Variants in ADAMTS18 observed in about 807,000 individuals in gnomAD.
ADAMTS18 encodes the protein ADAM metallopeptidase with thrombospondin type 1 motif 18, also known as A disintegrin and metalloproteinase with thrombospondin motifs 18.
Under a neutral mutation model 165.9 loss-of-function variants are expected in ADAMTS18, and 157 were observed. That is an observed-to-expected ratio of 0.95 (90% CI 0.83 to 1.08). The LOEUF is 1.08. ADAMTS18 is among the 50% of genes least tolerant of loss of function. The probability of loss-of-function intolerance (pLI) is 0.00; values close to 1 mark genes in which losing one functional copy is unlikely to be tolerated. For synonymous variants in ADAMTS18, 782 were observed against 578.2 expected, an observed-to-expected ratio of 1.35 and a Z score of -5.06; for missense variants, 2,040 against 1,534.0, an observed-to-expected ratio of 1.33 and a Z score of -5.51.
At chr16:77,320,987 G>A (rs1473862404) in intron 15 of ADAMTS18, 92 bp downstream of exon 15, 1 of 1,520,034 alleles carries the variant, frequency 6.6e-7, no homozygotes, top group East Asian at 2.3e-5. Context: ...CAGTGAACTA[G>A]TAAAAGGCTC....
At position 77,297,230 on chromosome 16, in the gene ADAMTS18, A is replaced by G. The variant is rs1014943162; in HGVS notation, c.2801+59T>C. 3.1e-6 allele frequency: 5 copies of G among 1,602,580 alleles called. No homozygotes were observed. The African/African-American group carries it at 6.7e-5, about 21-fold the overall frequency. On this transcript the variant is annotated intron_variant, in intron 18 of 22. Transcript: ENST00000282849. ...CACAGTGAGCTTTCATCATCTCATAACAACAATGAAGGCATACAAGTACAA... is the reference window on the plus strand; with the variant it reads ...CACAGTGAGCTTTCATCATCTCATAGCAACAATGAAGGCATACAAGTACAA...
Position 77,293,252 on chromosome 16 carries a change from T to C in ADAMTS18, c.3013A>G (p.Lys1005Glu), listed in dbSNP as rs1443209278. 6.2e-7 allele frequency: 1 copy of C among 1,613,796 alleles called. No individual in the cohort carries two copies. The highest frequency in any genetic ancestry group is 1.1e-5 in the South Asian group (1 of 91,052). Residue 1005 changes from lysine (K) to glutamate (E), a missense_variant, in exon 20 of 23, where the codon AAG (lysine) becomes GAG (glutamate). Coordinates refer to ENST00000282849, the MANE Select transcript of ADAMTS18 (RefSeq NM_199355.4). ...WSLGPWSQCS[K>E]TCGRGVRKRE... ...TTCCTCACCCCTCGTCCACAGGTCTTGGAACACTTGAGAAGACAAAAAAGT... is the reference window on the plus strand; with the variant it reads ...TTCCTCACCCCTCGTCCACAGGTCTCGGAACACTTGAGAAGACAAAAAAGT...
intron 3 of ADAMTS18, among the ~76,000 whole-genome samples, chr16:77,411,871 T>C (rs961023721): frequency 6.6e-6 from 1 of 151,790 alleles, no homozygotes; most frequent in Non-Finnish European, 1.5e-5. Flanking sequence ...GTATTTTTAA[T>C]AGAGACGGGG....
At chr16:77,339,018 C>T (rs1285640764) in intron 11 of ADAMTS18, among the ~76,000 whole-genome samples, 1 of 149,962 alleles carries the variant, frequency 6.7e-6, no homozygotes, top group East Asian at 2.0e-4. Flanking sequence ...ATTCACAGTA[C>T]AAATATCGCT....
At chr16:77,385,870 A>G (rs926922097) in intron 3 of ADAMTS18, among the ~76,000 whole-genome samples, 4 of 152,196 alleles carry the variant, frequency 2.6e-5, no homozygotes, top group Non-Finnish European at 5.9e-5. Context: ...GAGGTAAAAC[A>G]AAGAAAAATA....
At chr16:77,429,029 T>G (rs112494981) in intron 3 of ADAMTS18, among the ~76,000 whole-genome samples, 5 of 152,300 alleles carry the variant, frequency 3.3e-5, no homozygotes, top group African/African-American at 1.2e-4. Context: ...GAAAGCAGTA[T>G]GGCAATTTTT....
chr16:77,334,027 G>GTGTAATATATGCTATATATAATA (rs1468626946), intron 12 of ADAMTS18, among the ~76,000 whole-genome samples: 1 of 138,586 alleles, frequency 7.2e-6, no homozygotes, highest in Non-Finnish European at 1.5e-5. Flanking sequence ...ATAATATACA[G>GTGTAATATATGCTATATATAATA]TGCAATATAT....
chr16:77,338,804 A>T (rs1474037909), intron 11 of ADAMTS18, among the ~76,000 whole-genome samples: 1 of 151,606 alleles, frequency 6.6e-6, no homozygotes, highest in African/African-American at 2.4e-5. Context: ...AATAGAAAAA[A>T]TTAGCCGGGC....
intron 4 of ADAMTS18, among the ~76,000 whole-genome samples, chr16:77,366,016 C>A (rs13335544): frequency 6.6e-6 from 1 of 152,166 alleles, no homozygotes; most frequent in Non-Finnish European, 1.5e-5. Flanking sequence ...AATCATTACT[C>A]TATATATGCT....
chr16:77,385,980 C>G (rs887677491), intron 3 of ADAMTS18, among the ~76,000 whole-genome samples: 3 of 152,192 alleles, frequency 2.0e-5, no homozygotes, highest in African/African-American at 7.2e-5. Context: ...TGTCCAAAGT[C>G]TCAAAAGTGA....
intron 3 of ADAMTS18, among the ~76,000 whole-genome samples, chr16:77,429,569 T>A (rs968768286): frequency 2.6e-5 from 4 of 152,180 alleles, no homozygotes; most frequent in African/African-American, 9.7e-5. Context: ...CCTTCACTTG[T>A]ACCCCTGAAC....
At position 77,367,623 on chromosome 16, in the gene ADAMTS18, G is replaced by C; in HGVS notation, c.596C>G (p.Pro199Arg). ...TGCTGTCCTTTTGTACAGTACGTGA[G>C]GATGGTGACCCGCAGGGGAGCTGTA... Reference protein sequence around the residue: ...HNYSSPAGHHPHVLYKRTAEE... With the variant: ...HNYSSPAGHHRHVLYKRTAEE... The change falls in exon 4 of 23, where the codon CCT becomes CGT. Residue 199 changes from proline to arginine, a missense_variant. Transcript: ENST00000282849. The C allele has an allele frequency of 6.2e-7, 1 of 1,614,190 alleles. No homozygotes were observed. Among genetic ancestry groups the C allele is most frequent in the East Asian group, 2.2e-5 (1 of 44,864 alleles).
intron 3 of ADAMTS18, among the ~76,000 whole-genome samples, chr16:77,393,340 C>A (rs2057214788): frequency 6.6e-6 from 1 of 152,170 alleles, no homozygotes; most frequent in Non-Finnish European, 1.5e-5. Context: ...AATAGGGAAG[C>A]AGGCTGGTTT....
At chr16:77,418,003 G>T (rs142433654) in intron 3 of ADAMTS18, among the ~76,000 whole-genome samples, 3 of 152,272 alleles carry the variant, frequency 2.0e-5, no homozygotes, top group Admixed American at 6.5e-5. Context: ...CTACATCCAC[G>T]TGGTTAGGCC....
intron 3 of ADAMTS18, among the ~76,000 whole-genome samples, chr16:77,377,676 A>G (rs1464981846): frequency 1.3e-5 from 2 of 152,234 alleles, no homozygotes; most frequent in Non-Finnish European, 2.9e-5. Flanking sequence ...GTGGTCATCA[A>G]TAATTAATTT....
chr16:77,408,531 A>G (rs1763250815), intron 3 of ADAMTS18, among the ~76,000 whole-genome samples: 1 of 152,216 alleles, frequency 6.6e-6, no homozygotes, highest in Non-Finnish European at 1.5e-5. Context: ...AATAAACTAC[A>G]GCTACATATA....
At chr16:77,399,149 T>A (rs1393988876) in intron 3 of ADAMTS18, among the ~76,000 whole-genome samples, 1 of 152,186 alleles carries the variant, frequency 6.6e-6, no homozygotes. Context: ...GGGATGCCAC[T>A]TTACTCAGGC....
At chr16:77,329,545 G>C (rs955422779) in intron 12 of ADAMTS18, among the ~76,000 whole-genome samples, 2 of 152,134 alleles carry the variant, frequency 1.3e-5, no homozygotes, top group African/African-American at 4.8e-5. Flanking sequence ...GCAGTATCTA[G>C]GGCAGAGTCA....
intron 3 of ADAMTS18, among the ~76,000 whole-genome samples, chr16:77,419,769 G>A (rs2057576995): frequency 6.6e-6 from 1 of 151,980 alleles, no homozygotes; most frequent in Admixed American, 6.6e-5. Flanking sequence ...CACTTTGACA[G>A]GCAGGTGAAT....
Sources: gnomAD v4.1 joint callset for allele counts (sites outside exome capture counted in the v4.1 genomes callset) on GRCh38, gnomAD v4.1.1 for gene constraint, MANE v1.5 for transcripts, NCBI Gene and HGNC (gene_info 2026-07-23, HGNC 2026-07-21) for gene names.